The following TLN2 variants were observed in gnomAD, a reference collection of about 807,000 sequenced individuals.
TLN2 encodes the protein talin 2.
TLN2 carries 118 observed loss-of-function variants against 294.7 expected under a neutral mutation model. The ratio of observed to expected loss-of-function variants is 0.40; its 90% CI spans 0.34 to 0.47. TLN2 has a LOEUF of 0.47. Among genes scored for constraint, TLN2 ranks in the 20% least tolerant of loss-of-function variants. The pLI is 0.84. For missense variants in TLN2, 3,083 were observed against 3,282.2 expected, an observed-to-expected ratio of 0.94 and a Z score of 1.48; for synonymous variants, 1,431 against 1,304.5, an observed-to-expected ratio of 1.10 and a Z score of -2.09.
At chr15:62,729,536 G>T (rs1339790078) in intron 28 of TLN2, among the ~76,000 whole-genome samples, 3 of 151,850 alleles carry the variant, frequency 2.0e-5, no homozygotes, top group Non-Finnish European at 4.4e-5. Flanking sequence ...ACAGTTTTAT[G>T]GTTTTCTGCA....
At chr15:62,532,440 A>T (rs537225459) in intron 1 of TLN2, among the ~76,000 whole-genome samples, 68 of 152,164 alleles carry the variant, frequency 4.5e-4, no homozygotes, top group Admixed American at 1.5e-3. Context: ...ATGAACTTTC[A>T]TCAGGCCAGT....
intron 52 of TLN2, among the ~76,000 whole-genome samples, chr15:62,814,373 A>C (rs1030172366): frequency 1.3e-5 from 2 of 152,230 alleles, no homozygotes; most frequent in Non-Finnish European, 2.9e-5. Context: ...CTAAGCACAT[A>C]ATGGCCCTTG....
intron 27 of TLN2, among the ~76,000 whole-genome samples, chr15:62,726,554 A>G (rs552553555): frequency 7.2e-5 from 11 of 152,128 alleles, no homozygotes; most frequent in Non-Finnish European, 1.2e-4. Context: ...CCAACCCTCT[A>G]TTTCTATTGC....
intron 54 of TLN2, among the ~76,000 whole-genome samples, chr15:62,826,347 A>G (rs941227376): frequency 4.6e-5 from 7 of 152,220 alleles, no homozygotes; most frequent in Non-Finnish European, 8.8e-5. Context: ...TTTCCAGCAG[A>G]CACTGCATGA....
rs550449505 is a variant in TLN2, at chr15:62,647,277, A to G, written c.-34A>G. The stretch of plus-strand genomic sequence containing the variant: ...GTTTGTCTCTTTGTGTTTTCCAGAC[A>G]TTCTAAGTGAGACTGTCCACATCAT... On this transcript the variant is annotated splice_region_variant and 5_prime_UTR_variant, in exon 4 of 59. Coordinates refer to ENST00000636159, the MANE Select transcript of TLN2 (RefSeq NM_015059.3). The G allele has an allele frequency of 5.0e-6, 8 of 1,592,460 alleles. No homozygotes were observed. In the South Asian group the frequency reaches 6.8e-5, roughly 13 times the overall value.
intron 44 of TLN2, among the ~76,000 whole-genome samples, chr15:62,782,892 G>T (rs1277083933): frequency 6.6e-6 from 1 of 152,218 alleles, no homozygotes; most frequent in African/African-American, 2.4e-5. Context: ...AGCAAGAGGA[G>T]GTGGAGCAGG....
intron 1 of TLN2, among the ~76,000 whole-genome samples, chr15:62,502,251 C>T (rs530649154): frequency 4.6e-4 from 70 of 152,322 alleles, no homozygotes; most frequent in African/African-American, 1.6e-3. Context: ...TAGGGAAAGG[C>T]ACAGTAGCTT....
At chr15:62,398,708 C>T (rs1045547351) in intron 1 of TLN2, among the ~76,000 whole-genome samples, 4 of 152,114 alleles carry the variant, frequency 2.6e-5, no homozygotes, top group African/African-American at 9.7e-5. Flanking sequence ...TTTGCCCATG[C>T]CCTAGAGATC....
intron 1 of TLN2, among the ~76,000 whole-genome samples, chr15:62,468,484 G>A (rs1302691917): frequency 6.6e-6 from 1 of 152,128 alleles, no homozygotes; most frequent in Non-Finnish European, 1.5e-5. Flanking sequence ...GGTGGCTGAT[G>A]CCTGTAATCC....
rs556094356 is a variant in TLN2, at chr15:62,512,328, C to T, written c.-237-77359C>T. Among the ~76,000 whole-genome samples the T allele has an allele frequency of 3.6e-4, 55 of 152,248 alleles. 1 individual carries two copies. The highest frequency in any genetic ancestry group is 3.3e-4 in the Admixed American group (5 of 15,300). ...TCAGAAGAGGCTCACTTCTGGACCT[C>T]TCGGTTCAGAAATCTGCTCTCTCTT... On this transcript the variant is annotated intron_variant, in intron 1 of 58. Transcript: ENST00000636159.
chr15:62,718,455 A>G (rs2059921425), intron 24 of TLN2, among the ~76,000 whole-genome samples: 1 of 152,126 alleles, frequency 6.6e-6, no homozygotes, highest in Non-Finnish European at 1.5e-5. Flanking sequence ...TGCTTCTTCA[A>G]ATCTCTGCCA....
intron 1 of TLN2, among the ~76,000 whole-genome samples, chr15:62,447,426 T>G (rs2140314515): frequency 6.6e-6 from 1 of 152,008 alleles, no homozygotes; most frequent in Admixed American, 6.5e-5. Flanking sequence ...TGGTGGATGC[T>G]TCACACTTCA....
chr15:62,417,416 C>T (rs1351319483), intron 1 of TLN2, among the ~76,000 whole-genome samples: 1 of 152,184 alleles, frequency 6.6e-6, no homozygotes. Context: ...TGCTTCCTCT[C>T]ATGCCAGAAG....
Position 62,689,023 on chromosome 15 carries a change from T to C in TLN2, c.1113+2227T>C, listed in dbSNP as rs563569679. On this transcript the variant is annotated intron_variant, in intron 12 of 58. Transcript: ENST00000636159. ...TTATTGATATGTTAGGGCCCAAGTC[T>C]ATCATTTTGTAGTTTTTCTGTTTGT... 5.5e-4 allele frequency among the ~76,000 whole-genome samples: 84 copies of C among 152,036 alleles called. No individual in the cohort carries two copies. In the East Asian group the frequency reaches 6.6e-3, roughly 12 times the overall value.
chr15:62,677,782 T>G (rs570108987), intron 11 of TLN2, among the ~76,000 whole-genome samples: 12 of 140,374 alleles, frequency 8.5e-5, no homozygotes, highest in African/African-American at 3.1e-4. Context: ...AAGAAAGGAT[T>G]AAGAAAGTAG....
At chr15:62,819,771 G>T in intron 53 of TLN2, 150 bp downstream of exon 53, 1 of 631,882 alleles carries the variant, frequency 1.6e-6, no homozygotes, top group South Asian at 2.1e-5. Context: ...AAGCAAATGG[G>T]TTTAGAGTTA....
intron 45 of TLN2, among the ~76,000 whole-genome samples, chr15:62,785,812 C>G (rs2064608106): frequency 2.6e-5 from 4 of 152,158 alleles, no homozygotes; most frequent in Admixed American, 2.0e-4. Context: ...TTCTTGTAAG[C>G]TACCCACCCA....
intron 1 of TLN2, among the ~76,000 whole-genome samples, chr15:62,410,906 T>C (rs561868486): frequency 6.6e-6 from 1 of 152,336 alleles, no homozygotes; most frequent in South Asian, 2.1e-4. Context: ...CTCCAACGCA[T>C]AGTGTATCTT....
intron 54 of TLN2, chr15:62,833,208 CA>C (rs1341716254): frequency 7.1e-5 from 23 of 323,814 alleles, no homozygotes; most frequent in Middle Eastern, 9.2e-4. Flanking sequence ...ACCACACATA[CA>C]AAGAAAACTA....
Sources: gnomAD v4.1 joint callset for allele counts (sites outside exome capture counted in the v4.1 genomes callset) on GRCh38, gnomAD v4.1.1 for gene constraint, MANE v1.5 for transcripts, NCBI Gene and HGNC (gene_info 2026-07-23, HGNC 2026-07-21) for gene names.